MGLL: variants seen among roughly 807,000 people sequenced by gnomAD.
The protein encoded by MGLL is lysophospholipase homolog.
MGLL carries 7 observed loss-of-function variants against 29.1 expected under a neutral mutation model. The observed-to-expected ratio is 0.24, with a 90% CI of 0.14 to 0.45. The LOEUF is 0.45. MGLL is among the 20% of genes least tolerant of loss of function. The pLI is 0.99. For missense variants in MGLL, 356 were observed against 413.6 expected, an observed-to-expected ratio of 0.86 and a Z score of 1.21; for synonymous variants, 148 against 168.3, an observed-to-expected ratio of 0.88 and a Z score of 0.93.
intron 5 of MGLL, among the ~76,000 whole-genome samples, chr3:127,718,172 C>T (rs977093402): frequency 6.6e-6 from 1 of 152,090 alleles, no homozygotes; most frequent in African/African-American, 2.4e-5. Context: ...GGGGGCTGGC[C>T]GTCTTCCACA....
intron 2 of MGLL, among the ~76,000 whole-genome samples, chr3:127,813,536 G>C (rs541140365): frequency 6.6e-6 from 1 of 152,212 alleles, no homozygotes; most frequent in Non-Finnish European, 1.5e-5. Context: ...CTAACTTGTA[G>C]TTTAAATTGA....
At chr3:127,795,072 C>G (rs2077361870) in intron 2 of MGLL, among the ~76,000 whole-genome samples, 1 of 152,202 alleles carries the variant, frequency 6.6e-6, no homozygotes, top group Non-Finnish European at 1.5e-5. Context: ...GACACCTCCA[C>G]TCGTATGTTC....
chr3:127,785,046 G>T (rs1177611551), intron 2 of MGLL, among the ~76,000 whole-genome samples: 2 of 152,094 alleles, frequency 1.3e-5, no homozygotes, highest in African/African-American at 4.8e-5. Context: ...TGGGGGTGGG[G>T]GTGGTCCTAG....
At chr3:127,726,114 AAGC>A (rs1173879262) in intron 3 of MGLL, among the ~76,000 whole-genome samples, 1 of 139,720 alleles carries the variant, frequency 7.2e-6, no homozygotes, top group Non-Finnish European at 1.5e-5. Context: ...AAGAGAAAGA[AAGC>A]AGGAAAGAAA....
chr3:127,741,764 G>A (rs938693168), intron 3 of MGLL, among the ~76,000 whole-genome samples: 1 of 152,208 alleles, frequency 6.6e-6, no homozygotes, highest in Non-Finnish European at 1.5e-5. Flanking sequence ...GTGCAAGCAG[G>A]TCACTTTCAA....
intron 2 of MGLL, among the ~76,000 whole-genome samples, chr3:127,805,652 T>C (rs569285941): frequency 1.2e-4 from 19 of 152,224 alleles, no homozygotes; most frequent in Non-Finnish European, 2.1e-4. Flanking sequence ...TCTGCAATAT[T>C]TTACGAGGCA....
At position 127,817,013 on chromosome 3, in the gene MGLL, A is replaced by C. The variant is rs371608327; in HGVS notation, c.155+4681T>G. ...CCATGCAGGCTGCACCCTGGCCCCG[A>C]GGCAGCTCAGACCGGTGGAGCTGGC... is the stretch of plus-strand genomic sequence containing the variant. On this transcript the variant is annotated intron_variant, in intron 2 of 7. Transcript: ENST00000265052. Among the ~76,000 whole-genome samples, 35 of 152,344 alleles carry C rather than the reference A, an allele frequency of 2.3e-4. 1 individual carries two copies. Among genetic ancestry groups the C allele is most frequent in the African/African-American group, 8.4e-4 (35 of 41,584 alleles).
rs551894663 is a variant in MGLL at position 127,690,700 on chromosome 3, T to C, written c.*1498A>G. 2.6e-5 allele frequency: 4 copies of C among 152,860 alleles called. No individual in the cohort carries two copies. The highest frequency in any genetic ancestry group is 9.6e-5 in the African/African-American group (4 of 41,606). The allele number at this position is 152,860 out of a possible 1,614,324, so 9.5% of individuals were successfully genotyped here. A position where few individuals can be genotyped will look rare whatever the true frequency, so the allele number is the denominator to read the frequency against. ...GCAAAGCCCTGACCAGGGTCATATT[T>C]GCACTAAGGAGCCTCCTGAGGTAAC... On this transcript the variant is annotated 3_prime_UTR_variant, in exon 8 of 8. Coordinates refer to ENST00000265052, the MANE Select transcript of MGLL (RefSeq NM_007283.7).
intron 7 of MGLL, among the ~76,000 whole-genome samples, chr3:127,693,024 C>T (rs973539546): frequency 6.6e-6 from 1 of 152,166 alleles, no homozygotes; most frequent in Admixed American, 6.5e-5. Context: ...GAATTTACAT[C>T]TCCAGCCAGA....
intron 2 of MGLL, among the ~76,000 whole-genome samples, chr3:127,812,873 G>T (rs2077688660): frequency 6.6e-6 from 1 of 150,718 alleles, no homozygotes; most frequent in African/African-American, 2.4e-5. Flanking sequence ...ATCGGGGTGT[G>T]GTCCTGGCAG....
intron 2 of MGLL, among the ~76,000 whole-genome samples, chr3:127,809,865 C>T (rs1360603495): frequency 6.6e-6 from 1 of 152,156 alleles, no homozygotes; most frequent in Non-Finnish European, 1.5e-5. Flanking sequence ...GATAAACCAA[C>T]AGCAACTTCA....
chr3:127,797,733 G>A (rs2077408785), intron 2 of MGLL, among the ~76,000 whole-genome samples: 1 of 152,148 alleles, frequency 6.6e-6, no homozygotes, highest in South Asian at 2.1e-4. Context: ...TCAGCCTCCT[G>A]AGTAGCTGGG....
chr3:127,794,096 G>A (rs915335698), intron 2 of MGLL, among the ~76,000 whole-genome samples: 6 of 152,070 alleles, frequency 3.9e-5, no homozygotes, highest in African/African-American at 1.4e-4. Context: ...GATCACTTGA[G>A]GCCAGTAGTT....
chr3:127,733,969 C>T (rs1320300962), intron 3 of MGLL, among the ~76,000 whole-genome samples: 2 of 152,232 alleles, frequency 1.3e-5, no homozygotes, highest in Admixed American at 1.3e-4. Context: ...GCCTCCCAAT[C>T]GTACAGCGTA....
chr3:127,710,816 A>T, intron 5 of MGLL, 151 bp from the exon 6 acceptor site: 1 of 713,376 alleles, frequency 1.4e-6, no homozygotes. Flanking sequence ...TTAAGCCTGC[A>T]TGCCCAAGGA....
chr3:127,736,071 T>C (rs988360133), intron 3 of MGLL: 18 of 1,292,156 alleles, frequency 1.4e-5, no homozygotes, highest in Middle Eastern at 2.9e-4. Context: ...TTGTCCTCTG[T>C]GAGATTACAG....
intron 6 of MGLL, among the ~76,000 whole-genome samples, chr3:127,698,564 A>G (rs954934491): frequency 2.0e-5 from 3 of 152,144 alleles, no homozygotes; most frequent in African/African-American, 7.2e-5. Context: ...GACCAGACTC[A>G]CGGCTCTCAG....
chr3:127,790,838 TG>T (rs2077287657), intron 2 of MGLL, among the ~76,000 whole-genome samples: 1 of 152,156 alleles, frequency 6.6e-6, no homozygotes, highest in Non-Finnish European at 1.5e-5. Flanking sequence ...GCCCACTTCC[TG>T]GGGGACCCTA....
At chr3:127,814,355 A>G (rs2077715947) in intron 2 of MGLL, among the ~76,000 whole-genome samples, 1 of 152,136 alleles carries the variant, frequency 6.6e-6, no homozygotes, top group African/African-American at 2.4e-5. Flanking sequence ...CTAATGAACA[A>G]GGCTGTGTGA....
Sources: gnomAD v4.1 joint callset for allele counts (sites outside exome capture counted in the v4.1 genomes callset) on GRCh38, gnomAD v4.1.1 for gene constraint, MANE v1.5 for transcripts, NCBI Gene and HGNC (gene_info 2026-07-23, HGNC 2026-07-21) for gene names.